The following TDRD5 variants were observed in gnomAD, a reference collection of about 807,000 sequenced individuals.
TDRD5 encodes the protein tudor domain-containing protein 5.
A neutral mutation model predicts 120.6 loss-of-function variants in TDRD5; 41 were observed. The ratio of observed to expected loss-of-function variants is 0.34; its 90% CI spans 0.26 to 0.44. The LOEUF (loss-of-function observed/expected upper bound fraction) is 0.44. TDRD5 is among the 20% of genes least tolerant of loss of function. TDRD5 has a pLI of 1.00. For missense variants in TDRD5, 1,006 were observed against 1,221.2 expected (o/e 0.82, Z 2.63); for synonymous variants, 430 against 433.7 (o/e 0.99, Z 0.11).
chr1:179,678,446 C>T (rs1680251896), intron 17 of TDRD5, among the ~76,000 whole-genome samples: 1 of 152,188 alleles, frequency 6.6e-6, no homozygotes, highest in South Asian at 2.1e-4. Context: ...TCCCTATTTG[C>T]TCCAAGAACT....
At chr1:179,639,765 C>A in intron 9 of TDRD5, 74 bp from the exon 10 acceptor site, 1 of 1,507,110 alleles carries the variant, frequency 6.6e-7, no homozygotes, top group Non-Finnish European at 9.0e-7. Context: ...GACTTTCTGG[C>A]TTGATACATT....
chr1:179,597,332 C>CTTTTTTTTTTTTTTT (rs945509784), intron 4 of TDRD5, among the ~76,000 whole-genome samples: 11 of 125,564 alleles, frequency 8.8e-5, no homozygotes, highest in Non-Finnish European at 1.2e-4. Flanking sequence ...TTCTTTTTTT[C>CTTTTTTTTTTTTTTT]TTTTTTTTTT....
chr1:179,656,867 C>A (rs1400519285), intron 14 of TDRD5, among the ~76,000 whole-genome samples: 5 of 152,134 alleles, frequency 3.3e-5, no homozygotes, highest in Non-Finnish European at 5.9e-5. Flanking sequence ...GCCTGGCCAA[C>A]ATGGCAAAAC....
chr1:179,627,684 A>T (rs1488228713), intron 6 of TDRD5, among the ~76,000 whole-genome samples: 5 of 152,214 alleles, frequency 3.3e-5, no homozygotes, highest in Non-Finnish European at 7.4e-5. Context: ...TACAATAAGG[A>T]TAATAATTGC....
At chr1:179,593,038 C>G (rs1006503652) in intron 2 of TDRD5, among the ~76,000 whole-genome samples, 191 bp downstream of exon 2, 4 of 152,106 alleles carry the variant, frequency 2.6e-5, no homozygotes, top group Admixed American at 2.6e-4. Flanking sequence ...AAACCATTCC[C>G]CCAAACAATC....
At chr1:179,670,554 C>T (rs1027917722) in intron 17 of TDRD5, among the ~76,000 whole-genome samples, 9 of 152,226 alleles carry the variant, frequency 5.9e-5, no homozygotes, top group South Asian at 2.1e-4. Flanking sequence ...AAGCACTCCA[C>T]ATCCTTGCCA....
chr1:179,611,233 G>A (rs1676260560), intron 4 of TDRD5, among the ~76,000 whole-genome samples: 1 of 151,884 alleles, frequency 6.6e-6, no homozygotes, highest in African/African-American at 2.4e-5. Context: ...GTATTTTTTG[G>A]TAGAGATGGG....
rs1177465201 is a variant in TDRD5 at position 179,662,337 on chromosome 1, A to G, written c.2505+51A>G. On this transcript the variant is annotated intron_variant, in intron 15 of 17. Coordinates refer to ENST00000444136, the MANE Select transcript of TDRD5 (RefSeq NM_001199085.3). ...CAAATCAGGCCGGGCACTGCGGCTC[A>G]AGCCTGTAATCCTAGCAGTTTGGGA... 5.8e-6 allele frequency: 9 copies of G among 1,563,376 alleles called. 1 individual carries two copies. In the South Asian group the frequency reaches 1.1e-4, roughly 19 times the overall value.
intron 2 of TDRD5, 52 bp downstream of exon 2, chr1:179,592,899 T>C (rs757034770): frequency 6.5e-7 from 1 of 1,528,672 alleles, no homozygotes; most frequent in Admixed American, 1.7e-5. Flanking sequence ...AAACAATTGC[T>C]TAGTAAATAA....
rs1237434595 is a variant in TDRD5, at chr1:179,687,071, C to A, written c.2861-3625C>A. Among the ~76,000 whole-genome samples the A allele has an allele frequency of 2.6e-5, 4 of 151,442 alleles. 1 individual carries two copies. The South Asian group carries it at 8.4e-4, about 32-fold the overall frequency. On this transcript the variant is annotated intron_variant, in intron 17 of 17. Transcript: ENST00000444136. Reference sequence around the variant, plus strand: ...GTTCTGCTCTGATCTTAGTTACTTCCTGTCTCCTGCTAGCTTTTGAATGTG... The same window carrying A: ...GTTCTGCTCTGATCTTAGTTACTTCATGTCTCCTGCTAGCTTTTGAATGTG...
intron 14 of TDRD5, among the ~76,000 whole-genome samples, chr1:179,660,144 G>C (rs911432063): frequency 6.7e-6 from 1 of 148,856 alleles, no homozygotes; most frequent in East Asian, 2.0e-4. Flanking sequence ...TCATTCATCT[G>C]CCTCCTCTTT....
chr1:179,677,555 T>G (rs1264147491), intron 17 of TDRD5, among the ~76,000 whole-genome samples: 1 of 152,204 alleles, frequency 6.6e-6, no homozygotes, highest in Non-Finnish European at 1.5e-5. Flanking sequence ...TCCCTTGATG[T>G]GGTGTTCTCT....
intron 6 of TDRD5, among the ~76,000 whole-genome samples, chr1:179,622,995 C>T (rs1676918188): frequency 6.6e-6 from 1 of 152,024 alleles, no homozygotes; most frequent in Non-Finnish European, 1.5e-5. Context: ...TGAAAGCAGC[C>T]AGACTAAAAA....
At chr1:179,651,920 A>G in intron 12 of TDRD5, 119 bp from the exon 13 acceptor site, 2 of 1,171,220 alleles carry the variant, frequency 1.7e-6, no homozygotes, top group Non-Finnish European at 2.4e-6. Context: ...CTCGAAATAA[A>G]TAAATAAAAT....
intron 7 of TDRD5, 55 bp from the exon 8 acceptor site, chr1:179,634,402 G>C: frequency 6.5e-7 from 1 of 1,543,944 alleles, no homozygotes; most frequent in East Asian, 2.2e-5. Context: ...TGCATAGGCT[G>C]CTCTATTGGC....
At position 179,688,687 on chromosome 1, in the gene TDRD5, A is replaced by C. The variant is rs1057289794; in HGVS notation, c.2861-2009A>C. On this transcript the variant is annotated intron_variant, in intron 17 of 17. Coordinates refer to ENST00000444136, the MANE Select transcript of TDRD5 (RefSeq NM_001199085.3). ...CCCATCACTTTCAGGTACACCAATC[A>C]GACGTAGATTTGGTCTTTTCACATA... Among the ~76,000 whole-genome samples, 30 of 152,296 alleles carry C rather than the reference A, an allele frequency of 2.0e-4. No homozygotes were observed. In the East Asian group the frequency reaches 4.0e-3, roughly 21 times the overall value.
At chr1:179,640,648 A>G (rs1035858104) in intron 11 of TDRD5, among the ~76,000 whole-genome samples, 1 of 152,236 alleles carries the variant, frequency 6.6e-6, no homozygotes, top group Non-Finnish European at 1.5e-5. Context: ...TCAAGAATGA[A>G]TGGTAGAGGT....
intron 4 of TDRD5, among the ~76,000 whole-genome samples, chr1:179,614,769 T>G (rs903562576): frequency 6.6e-6 from 1 of 152,120 alleles, no homozygotes; most frequent in African/African-American, 2.4e-5. Flanking sequence ...ATATTTTTAA[T>G]TGATGAGTAA....
In TDRD5 at chr1:179,639,869, T is replaced by A. The variant is rs1677949872; in HGVS notation, c.1551T>A (p.Asp517Glu). ...RRCYSNQLVS[D>E]RYVMPECFIQ... ...GTTATTCTAATCAGCTGGTTTCTGA[T>A]CGATATGTCATGCCAGAATGTTTTA... Residue 517 changes from aspartate (D) to glutamate (E), a missense_variant, in exon 10 of 18, where the codon GAT becomes GAA. This residue lies in a region of TDRD5 where 158 missense variants were observed against 257.5 expected (regional missense o/e 0.61). Transcript: ENST00000444136. 6.2e-7 allele frequency: 1 copy of A among 1,614,036 alleles called. No homozygotes were observed. The highest frequency in any genetic ancestry group is 1.3e-5 in the African/African-American group (1 of 74,930).
Sources: allele counts gnomAD v4.1 joint callset (sites outside exome capture counted in the v4.1 genomes callset), GRCh38; gene constraint gnomAD v4.1.1; regional missense constraint gnomAD v4.1.1; transcripts MANE v1.5; gene names NCBI Gene and HGNC (gene_info 2026-07-23, HGNC 2026-07-21).